The following SLC35D2 variants were observed in gnomAD, a reference collection of about 807,000 sequenced individuals.
SLC35D2 encodes nucleotide sugar transporter SLC35D2.
SLC35D2 carries 43 observed loss-of-function variants against 41.8 expected under a neutral mutation model. The observed-to-expected ratio is 1.03, with a 90% confidence interval of 0.81 to 1.33. SLC35D2 has a LOEUF of 1.33. Among genes scored for constraint, SLC35D2 ranks in the 40% most tolerant of loss-of-function variants. The pLI, the probability that SLC35D2 is intolerant of heterozygous loss-of-function variation, is 0.00. For missense variants in SLC35D2, 380 were observed against 408.4 expected, an observed-to-expected ratio of 0.93 and a Z score of 0.60; for synonymous variants, 150 against 163.9, an observed-to-expected ratio of 0.92 and a Z score of 0.65.
intron 9 of SLC35D2, among the ~76,000 whole-genome samples, chr9:96,335,682 G>T (rs917925138): frequency 5.3e-5 from 8 of 152,088 alleles, no homozygotes; most frequent in Non-Finnish European, 2.9e-5. Flanking sequence ...TTCATGCAAA[G>T]GGATTTTCAA....
chr9:96,372,250 C>T (rs906043359), intron 1 of SLC35D2, among the ~76,000 whole-genome samples: 20 of 152,160 alleles, frequency 1.3e-4, no homozygotes, highest in Non-Finnish European at 2.2e-4. Context: ...TTAATTGAGA[C>T]TTCAAAAGAT....
chr9:96,383,030 A>G (rs925622656), intron 1 of SLC35D2, among the ~76,000 whole-genome samples: 1 of 152,200 alleles, frequency 6.6e-6, no homozygotes, highest in South Asian at 2.1e-4. Context: ...TGAACTTCCA[A>G]TTGTTTTCCC....
chr9:96,351,663 G>A (rs182964193), intron 5 of SLC35D2, among the ~76,000 whole-genome samples: 38 of 152,050 alleles, frequency 2.5e-4, no homozygotes, highest in Admixed American at 1.7e-3. Context: ...TAATTACTGC[G>A]TCAGAATTGA....
downstream of SLC35D2, among the ~76,000 whole-genome samples, chr9:96,316,294 A>T (rs1297228666): frequency 3.3e-5 from 5 of 152,174 alleles, no homozygotes; most frequent in Admixed American, 3.3e-4. Flanking sequence ...TGAGGTCAGG[A>T]GTTCAAGACC....
chr9:96,338,644 G>A (rs71499937), intron 8 of SLC35D2, among the ~76,000 whole-genome samples: 3,286 of 151,852 alleles, frequency 0.022, 61 homozygotes, highest in Non-Finnish European at 0.035. Context: ...ATGTCACTCC[G>A]TCTCCTTCTG....
rs141047049 is a variant in SLC35D2 at position 96,330,531 on chromosome 9, C to T, written c.752+6186G>A. On this transcript the variant is annotated intron_variant, in intron 9 of 11. Coordinates refer to ENST00000253270, the MANE Select transcript of SLC35D2 (RefSeq NM_007001.3). ...CCATCTGATGTGACACAACATGTATCCTGCATACAACAGAAATACACAATC... is the reference window on the plus strand; with the variant it reads ...CCATCTGATGTGACACAACATGTATTCTGCATACAACAGAAATACACAATC... 2.6e-4 allele frequency among the ~76,000 whole-genome samples: 40 copies of T among 152,266 alleles called. No individual in the cohort carries two copies. In the East Asian group the frequency reaches 7.3e-3, roughly 28 times the overall value.
Position 96,352,037 on chromosome 9 carries a change from C to A in SLC35D2, c.419+1G>T. 6.2e-7 allele frequency: 1 copy of A among 1,606,932 alleles called. No individual in the cohort carries two copies. On this transcript the variant is annotated splice_donor_variant, in intron 5 of 11. Transcript: ENST00000253270. LOFTEE classifies it high-confidence loss of function. ...GAAGAATGGAGGAAAAACAAAATCA[C>A]CCAAGTATGATGGTTTCCAGAAGTA...
At chr9:96,370,616 C>T (rs1399673120) in intron 1 of SLC35D2, among the ~76,000 whole-genome samples, 2 of 152,072 alleles carry the variant, frequency 1.3e-5, no homozygotes. Context: ...GAGATCGTGC[C>T]ACTGCACTCC....
At chr9:96,321,428 C>T in intron 11 of SLC35D2, 87 bp from the exon 12 acceptor site, 3 of 823,328 alleles carry the variant, frequency 3.6e-6, no homozygotes, top group Non-Finnish European at 4.1e-6. Flanking sequence ...ATCAATACAC[C>T]TGCTTCATGC....
At chr9:96,376,294 CAAAAAAAAA>C (rs1163220771) in intron 1 of SLC35D2, among the ~76,000 whole-genome samples, 3,665 of 54,440 alleles carry the variant, frequency 0.067, 68 homozygotes, top group Middle Eastern at 0.16. Flanking sequence ...GACTCTGTCT[CAAAAAAAAA>C]AAAAAAAAAA....
chr9:96,334,371 C>T (rs1047792444), intron 9 of SLC35D2, among the ~76,000 whole-genome samples: 1 of 152,212 alleles, frequency 6.6e-6, no homozygotes, highest in Admixed American at 6.5e-5. Context: ...GGTGTGGCGG[C>T]TCATGCCTGT....
chr9:96,381,045 C>T (rs937223483), intron 1 of SLC35D2, among the ~76,000 whole-genome samples: 1 of 152,246 alleles, frequency 6.6e-6, no homozygotes, highest in Non-Finnish European at 1.5e-5. Context: ...ACCTGCAGCC[C>T]TGCAGTGGCT....
chr9:96,316,696 G>A (rs1426225335), downstream of SLC35D2, among the ~76,000 whole-genome samples: 5 of 152,206 alleles, frequency 3.3e-5, no homozygotes, highest in African/African-American at 9.6e-5. Flanking sequence ...TCCTGGTGAC[G>A]ACTTTGGCCT....
chr9:96,335,082 C>A (rs1300441067), intron 9 of SLC35D2, among the ~76,000 whole-genome samples: 1 of 152,142 alleles, frequency 6.6e-6, no homozygotes, highest in African/African-American at 2.4e-5. Context: ...TCAAAGAGGT[C>A]AGGAGTTGTC....
intron 9 of SLC35D2, among the ~76,000 whole-genome samples, chr9:96,324,966 T>C (rs1435416212): frequency 6.6e-6 from 1 of 152,210 alleles, no homozygotes; most frequent in Non-Finnish European, 1.5e-5. Context: ...CAGGTGATTC[T>C]GATCTGTAGC....
At chr9:96,324,549 CTTT>C (rs57775451) in intron 9 of SLC35D2, among the ~76,000 whole-genome samples, 13 of 117,742 alleles carry the variant, frequency 1.1e-4, no homozygotes, top group Admixed American at 3.0e-4. Context: ...GCCTGCTGCA[CTTT>C]TTTTTTTTTT....
At chr9:96,336,579 C>T (rs1467001105) in intron 9 of SLC35D2, 138 bp downstream of exon 9, 3 of 617,778 alleles carry the variant, frequency 4.9e-6, no homozygotes, top group Non-Finnish European at 5.7e-6. Flanking sequence ...CTGACACCTC[C>T]TTTGCTGCAG....
chr9:96,330,077 C>A (rs1367305821), intron 9 of SLC35D2, among the ~76,000 whole-genome samples: 4 of 152,224 alleles, frequency 2.6e-5, no homozygotes, highest in Non-Finnish European at 4.4e-5. Context: ...GGCCTCCTGA[C>A]CACAGACTGC....
At chr9:96,344,837 C>A (rs189577315) in intron 7 of SLC35D2, among the ~76,000 whole-genome samples, 149 of 152,152 alleles carry the variant, frequency 9.8e-4, no homozygotes, top group African/African-American at 3.5e-3. Context: ...TGGACAAGAC[C>A]TTACAAATTA....
Sources: gnomAD v4.1 joint callset for allele counts (sites outside exome capture counted in the v4.1 genomes callset) on GRCh38, gnomAD v4.1.1 for gene constraint, MANE v1.5 for transcripts, NCBI Gene and HGNC (gene_info 2026-07-23, HGNC 2026-07-21) for gene names.